The following TPH2 variants were observed in gnomAD, a reference collection of about 807,000 sequenced individuals.
The protein encoded by TPH2 is tryptophan hydroxylase 2.
A neutral mutation model predicts 59.1 loss-of-function variants in TPH2; 27 were observed. The observed-to-expected ratio is 0.46, with a 90% CI of 0.34 to 0.63. The LOEUF is 0.63. TPH2 is among the 30% of genes least tolerant of loss of function. The probability of loss-of-function intolerance (pLI) is 0.01; values close to 1 mark genes in which losing one functional copy is unlikely to be tolerated. For missense variants in TPH2, 523 were observed against 588.3 expected (o/e 0.89, Z 1.15); for synonymous variants, 220 against 210.5 (o/e 1.05, Z -0.39).
chr12:71,971,179 C>A (rs977920805), intron 5 of TPH2, among the ~76,000 whole-genome samples: 5 of 152,148 alleles, frequency 3.3e-5, no homozygotes, highest in Admixed American at 2.0e-4. Context: ...CTGCAGCAAC[C>A]CTGAGTGACA....
intron 5 of TPH2, among the ~76,000 whole-genome samples, chr12:71,957,168 T>C (rs965972899): frequency 1.7e-4 from 26 of 152,074 alleles, no homozygotes; most frequent in Non-Finnish European, 3.1e-4. Context: ...CCTTGCATGA[T>C]TGGGAGGATT....
chr12:71,956,103 G>T (rs1871487713), intron 5 of TPH2, among the ~76,000 whole-genome samples: 1 of 152,208 alleles, frequency 6.6e-6, no homozygotes, highest in South Asian at 2.1e-4. Context: ...TTTGCAGGAG[G>T]CGTCAGTGTT....
chr12:72,010,814 A>G (rs554131066), intron 8 of TPH2, among the ~76,000 whole-genome samples: 8 of 152,338 alleles, frequency 5.3e-5, no homozygotes, highest in African/African-American at 1.9e-4. Flanking sequence ...GACCTTTAAA[A>G]TCACCACATC....
rs560166733 is a variant in TPH2 at position 71,944,977 on chromosome 12, C to A, written c.540+291C>A. Among the ~76,000 whole-genome samples the A allele has an allele frequency of 2.6e-5, 4 of 152,218 alleles. No homozygotes were observed. In the East Asian group the frequency reaches 7.7e-4, roughly 29 times the overall value. On this transcript the variant is annotated intron_variant, in intron 4 of 10. Coordinates refer to ENST00000333850, the MANE Select transcript of TPH2 (RefSeq NM_173353.4). ...GTGGAATTAGACAGCCTGAAATATA[C>A]CTGCAGATGGTGATCCTTGGAAAAA...
intron 5 of TPH2, chr12:71,961,461 G>A: frequency 8.5e-7 from 1 of 1,173,426 alleles, no homozygotes. Context: ...ATAGGGCCTA[G>A]TAGTTAGCTG....
intron 2 of TPH2, 100 bp from the exon 3 acceptor site, chr12:71,944,194 G>T: frequency 1.7e-6 from 2 of 1,196,940 alleles, no homozygotes; most frequent in Non-Finnish European, 2.5e-6. Context: ...TTCCTCTTGT[G>T]TGGGTACTTG....
intron 9 of TPH2, among the ~76,000 whole-genome samples, chr12:72,025,673 G>A (rs943041738): frequency 1.4e-4 from 22 of 152,230 alleles, no homozygotes; most frequent in African/African-American, 4.8e-4. Context: ...GTACTTACAG[G>A]AATGCCAAAA....
At chr12:71,977,204 G>A (rs1412936465) in intron 6 of TPH2, among the ~76,000 whole-genome samples, 7 of 152,120 alleles carry the variant, frequency 4.6e-5, no homozygotes, top group African/African-American at 9.7e-5. Flanking sequence ...CTACAGGTGC[G>A]TGCTGTCTAT....
intron 5 of TPH2, chr12:71,962,759 T>A (rs1213031784): frequency 5.5e-6 from 5 of 910,902 alleles, no homozygotes; most frequent in Non-Finnish European, 5.2e-6. Flanking sequence ...GTATCTGTCA[T>A]CCAAGCTGAG....
At chr12:71,997,451 C>T (rs753645347) in intron 8 of TPH2, among the ~76,000 whole-genome samples, 2 of 152,198 alleles carry the variant, frequency 1.3e-5, no homozygotes, top group South Asian at 2.1e-4. Context: ...AAAATGAATA[C>T]TCATACCTTG....
At chr12:71,997,956 G>A (rs1027815221) in intron 8 of TPH2, among the ~76,000 whole-genome samples, 2 of 152,196 alleles carry the variant, frequency 1.3e-5, no homozygotes, top group Non-Finnish European at 2.9e-5. Context: ...AGGATAGGGG[G>A]CAGGAGCTAG....
chr12:71,973,925 G>A (rs1003050626), intron 6 of TPH2, among the ~76,000 whole-genome samples: 1 of 151,920 alleles, frequency 6.6e-6, no homozygotes, highest in Non-Finnish European at 1.5e-5. Flanking sequence ...TCCCTTCACT[G>A]ACAACACCTC....
chr12:71,960,442 T>C (rs1053520450), intron 5 of TPH2, among the ~76,000 whole-genome samples: 9 of 152,226 alleles, frequency 5.9e-5, no homozygotes, highest in African/African-American at 9.6e-5. Flanking sequence ...TTCTTATAAG[T>C]ATTTAAAATA....
chr12:71,986,589 G>A (rs1034824422), intron 7 of TPH2, among the ~76,000 whole-genome samples: 2 of 148,696 alleles, frequency 1.3e-5, no homozygotes, highest in South Asian at 2.1e-4. Flanking sequence ...ACTGTTTTCT[G>A]TAGTGACTTG....
At chr12:71,951,939 C>T (rs552679381) in intron 5 of TPH2, among the ~76,000 whole-genome samples, 15 of 152,210 alleles carry the variant, frequency 9.9e-5, no homozygotes, top group African/African-American at 1.4e-4. Flanking sequence ...GCAGGAGAAT[C>T]GCTTGAACCT....
At chr12:71,951,702 ATGTGTGTG>A (rs147723226) in intron 5 of TPH2, among the ~76,000 whole-genome samples, 2 of 148,924 alleles carry the variant, frequency 1.3e-5, no homozygotes, top group African/African-American at 2.5e-5. Context: ...GTGTGTGTGC[ATGTGTGTG>A]TGTGTGTGTG....
At chr12:71,992,391 G>A (rs1020557877) in intron 7 of TPH2, among the ~76,000 whole-genome samples, 21 of 152,202 alleles carry the variant, frequency 1.4e-4, no homozygotes, top group African/African-American at 5.1e-4. Context: ...AGACTAGCTT[G>A]GGCAACATTG....
rs972672373 is a variant in TPH2 at position 71,991,078 on chromosome 12, T to C, written c.942-3361T>C. Among the ~76,000 whole-genome samples, 5 of 152,348 alleles carry C rather than the reference T, an allele frequency of 3.3e-5. No individual in the cohort carries two copies. In the South Asian group the frequency reaches 1.0e-3, roughly 32 times the overall value. ...TGCAATGGTATTAAAGGTTCTTAAG[T>C]TGGCTAGTGAGTTACAGGTTTCTGA... On this transcript the variant is annotated intron_variant, in intron 7 of 10. Coordinates refer to ENST00000333850, the MANE Select transcript of TPH2 (RefSeq NM_173353.4).
At chr12:71,991,013 C>A (rs1445819105) in intron 7 of TPH2, among the ~76,000 whole-genome samples, 1 of 152,126 alleles carries the variant, frequency 6.6e-6, no homozygotes, top group Non-Finnish European at 1.5e-5. Flanking sequence ...TTTATAATTT[C>A]TTTTATCCTC....
Sources: gnomAD v4.1 joint callset for allele counts (sites outside exome capture counted in the v4.1 genomes callset) on GRCh38, gnomAD v4.1.1 for gene constraint, MANE v1.5 for transcripts, NCBI Gene and HGNC (gene_info 2026-07-23, HGNC 2026-07-21) for gene names.